CSMD1: variants seen among roughly 807,000 people sequenced by gnomAD.
The protein encoded by CSMD1 is CUB and sushi domain-containing protein 1.
In CSMD1, 213 loss-of-function variants were observed where a neutral mutation model predicts 417.5. The observed-to-expected ratio is 0.51, with a 90% CI of 0.46 to 0.57. The LOEUF is 0.57. Ranked by LOEUF, CSMD1 falls within the 20% of genes least tolerant of loss-of-function variation. The pLI is 0.00. For missense variants in CSMD1, 6,923 were observed against 4,529.7 expected (o/e 1.53, Z -15.17); for synonymous variants, 2,862 against 1,736.8 (o/e 1.65, Z -16.11).
At chr8:4,555,994 T>C (rs1212014906) in intron 2 of CSMD1, among the ~76,000 whole-genome samples, 1 of 152,104 alleles carries the variant, frequency 6.6e-6, no homozygotes, top group Non-Finnish European at 1.5e-5. Context: ...TTTCTGTAAG[T>C]ATATTTTTGA....
At chr8:4,841,158 T>C (rs552531030) in intron 1 of CSMD1, among the ~76,000 whole-genome samples, 1 of 152,234 alleles carries the variant, frequency 6.6e-6, no homozygotes, top group Non-Finnish European at 1.5e-5. Flanking sequence ...ATATAAATAA[T>C]GGTCAGAGCT....
At chr8:4,782,209 C>G (rs1797186040) in intron 1 of CSMD1, among the ~76,000 whole-genome samples, 1 of 152,106 alleles carries the variant, frequency 6.6e-6, no homozygotes, top group African/African-American at 2.4e-5. Context: ...TAGAGTGACT[C>G]TGCTTAATAA....
chr8:3,269,941 G>C (rs370480335), intron 26 of CSMD1, among the ~76,000 whole-genome samples: 1 of 151,774 alleles, frequency 6.6e-6, no homozygotes, highest in Admixed American at 6.6e-5. Flanking sequence ...GAAGGTAAAC[G>C]CACATAAAGC....
At chr8:3,082,091 T>G (rs942754619) in intron 49 of CSMD1, among the ~76,000 whole-genome samples, 2 of 152,322 alleles carry the variant, frequency 1.3e-5, no homozygotes, top group Non-Finnish European at 2.9e-5. Flanking sequence ...GGACTCTGTT[T>G]CCTAAGTATT....
chr8:4,445,613 T>A (rs1798736580), intron 2 of CSMD1, among the ~76,000 whole-genome samples: 1 of 152,180 alleles, frequency 6.6e-6, no homozygotes, highest in Non-Finnish European at 1.5e-5. Context: ...GTGTTCAGAG[T>A]CGAACTGGGC....
chr8:4,083,722 T>G (rs367595091), intron 3 of CSMD1, among the ~76,000 whole-genome samples: 3 of 152,108 alleles, frequency 2.0e-5, no homozygotes, highest in East Asian at 1.9e-4. Context: ...ACGTTAGACC[T>G]AAAGCCATAA....
At chr8:4,669,763 G>C (rs956917389) in intron 1 of CSMD1, among the ~76,000 whole-genome samples, 1 of 152,002 alleles carries the variant, frequency 6.6e-6, no homozygotes, top group Non-Finnish European at 1.5e-5. Context: ...GTCAGAGGTA[G>C]GGGGTACTGC....
chr8:4,078,894 TA>T (rs1398978079), intron 3 of CSMD1, among the ~76,000 whole-genome samples: 1 of 39,468 alleles, frequency 2.5e-5, no homozygotes, highest in East Asian at 4.9e-4. Flanking sequence ...ATAATAATAA[TA>T]AATATATATA....
intron 5 of CSMD1, among the ~76,000 whole-genome samples, chr8:3,929,890 G>C (rs1038665409): frequency 6.7e-6 from 1 of 150,110 alleles, no homozygotes; most frequent in African/African-American, 2.5e-5. Context: ...TCCAACCCCT[G>C]ACCTCAGGTG....
At chr8:4,025,111 G>A (rs1027551326) in intron 4 of CSMD1, among the ~76,000 whole-genome samples, 7 of 152,228 alleles carry the variant, frequency 4.6e-5, no homozygotes, top group South Asian at 2.1e-4. Context: ...AGGGGACACC[G>A]AAGGGGCTGC....
intron 2 of CSMD1, among the ~76,000 whole-genome samples, chr8:4,459,791 C>A (rs572795312): frequency 5.3e-4 from 81 of 152,292 alleles, no homozygotes; most frequent in African/African-American, 1.9e-3. Context: ...TTAATTTTTG[C>A]TGTTTAAAAC....
intron 2 of CSMD1, among the ~76,000 whole-genome samples, chr8:4,496,351 G>A (rs1378532684): frequency 2.0e-5 from 3 of 152,174 alleles, no homozygotes; most frequent in African/African-American, 7.2e-5. Context: ...TGCCTCCAGT[G>A]ATCAGCAGCG....
At chr8:3,368,901 C>A (rs1445597794) in intron 19 of CSMD1, among the ~76,000 whole-genome samples, 2 of 152,108 alleles carry the variant, frequency 1.3e-5, no homozygotes, top group African/African-American at 4.8e-5. Context: ...CCAGATATAT[C>A]ATGAAATTGG....
chr8:4,442,289 TAA>T (rs908158029), intron 2 of CSMD1, among the ~76,000 whole-genome samples: 16 of 152,140 alleles, frequency 1.1e-4, no homozygotes, highest in Non-Finnish European at 1.9e-4. Context: ...AAAAAATTAT[TAA>T]AAGTTAGAAA....
At position 4,295,736 on chromosome 8, in the gene CSMD1, G is replaced by A. The variant is rs62478595; in HGVS notation, c.415+124217C>T. Among the ~76,000 whole-genome samples, 248 of 104,618 alleles carry A rather than the reference G, an allele frequency of 2.4e-3. 1 individual carries two copies. Among genetic ancestry groups the A allele is most frequent in the Non-Finnish European group, 3.2e-3 (166 of 51,878 alleles). 68.6% of individuals were successfully genotyped at this position (104,618 alleles called of 152,430 possible). On this transcript the variant is annotated intron_variant, in intron 3 of 69. Transcript: ENST00000635120. ...TAAAATTATATATATCTGTGTGTGT[G>A]TATATGTGTGTGTGTATATATATAT...
At chr8:3,741,410 C>T (rs1181721857) in intron 6 of CSMD1, among the ~76,000 whole-genome samples, 1 of 152,068 alleles carries the variant, frequency 6.6e-6, no homozygotes, top group Non-Finnish European at 1.5e-5. Context: ...CAGGTTATCC[C>T]ATCCAGCTTC....
rs1177624666 is a variant in CSMD1 at position 4,266,993 on chromosome 8, T to G, written c.415+152960A>C. Among the ~76,000 whole-genome samples, 2 of 104,558 alleles carry G rather than the reference T, an allele frequency of 1.9e-5. 1 individual carries two copies. Among genetic ancestry groups the G allele is most frequent in the Admixed American group, 1.8e-4 (2 of 11,116 alleles). 68.6% of individuals were successfully genotyped at this position (104,558 alleles called of 152,430 possible). ...TGGAACTTAAGAAGATAAAAATCACTTTTGTGATTTTTACAAAACAAAAGC... is the reference window on the plus strand; with the variant it reads ...TGGAACTTAAGAAGATAAAAATCACGTTTGTGATTTTTACAAAACAAAAGC... On this transcript the variant is annotated intron_variant, in intron 3 of 69. Coordinates refer to ENST00000635120, the MANE Select transcript of CSMD1 (RefSeq NM_033225.6).
chr8:4,776,676 C>A (rs1051879601), intron 1 of CSMD1, among the ~76,000 whole-genome samples: 5 of 152,122 alleles, frequency 3.3e-5, no homozygotes, highest in Non-Finnish European at 1.5e-5. Context: ...GGATTCTTTA[C>A]CACAGGGAGA....
At chr8:4,196,594 T>A (rs1031838252) in intron 3 of CSMD1, among the ~76,000 whole-genome samples, 1 of 152,188 alleles carries the variant, frequency 6.6e-6, no homozygotes, top group African/African-American at 2.4e-5. Context: ...TCTGGGGTCA[T>A]AGCCTTCTTT....
Sources: allele counts gnomAD v4.1 joint callset (sites outside exome capture counted in the v4.1 genomes callset), GRCh38; gene constraint gnomAD v4.1.1; transcripts MANE v1.5; gene names NCBI Gene and HGNC (gene_info 2026-07-23, HGNC 2026-07-21).